The following CLEC2D variants were observed in gnomAD, a reference collection of about 807,000 sequenced individuals.
The protein encoded by CLEC2D is C-type lectin related f.
In CLEC2D, 16 loss-of-function variants were observed where a neutral mutation model predicts 20.0. That is an observed-to-expected ratio of 0.80 (90% CI 0.54 to 1.22). The LOEUF is 1.22. Among genes scored for constraint, CLEC2D ranks in the 50% most tolerant of loss-of-function variants. The probability of loss-of-function intolerance (pLI) is 0.00; values close to 1 mark genes in which losing one functional copy is unlikely to be tolerated. For synonymous variants in CLEC2D, 77 were observed against 71.1 expected, an observed-to-expected ratio of 1.08 and a Z score of -0.42; for missense variants, 207 against 221.5, an observed-to-expected ratio of 0.93 and a Z score of 0.42.
intron 1 of CLEC2D, among the ~76,000 whole-genome samples, chr12:9,675,518 AC>A (rs888876558): frequency 2.6e-5 from 4 of 152,216 alleles, no homozygotes; most frequent in Non-Finnish European, 5.9e-5. Context: ...TTTAACAAAT[AC>A]CACACTGTCT....
chr12:9,687,283 A>G (rs1865769932), intron 2 of CLEC2D, among the ~76,000 whole-genome samples: 1 of 152,226 alleles, frequency 6.6e-6, no homozygotes, highest in Non-Finnish European at 1.5e-5. Flanking sequence ...AGATTCTCAC[A>G]AGGAGCCCAC....
intron 1 of CLEC2D, among the ~76,000 whole-genome samples, chr12:9,671,738 C>T (rs1865429824): frequency 6.6e-6 from 1 of 152,186 alleles, no homozygotes; most frequent in South Asian, 2.1e-4. Flanking sequence ...TTTATGCTGA[C>T]AGAGGCTCAA....
rs1205626333 is a variant in CLEC2D, at chr12:9,694,740, T to C, written c.462-20T>C. ...GAAGAAATGTTCAGTGGCCAACTGATTCTGCTTCTTCTCTTGCAGGTTTCC... is the reference window on the plus strand; with the variant it reads ...GAAGAAATGTTCAGTGGCCAACTGACTCTGCTTCTTCTCTTGCAGGTTTCC... On this transcript the variant is annotated intron_variant, in intron 4 of 4. Coordinates refer to ENST00000290855, the MANE Select transcript of CLEC2D (RefSeq NM_013269.6). 7.3e-7 allele frequency: 1 copy of C among 1,367,472 alleles called. No individual in the cohort carries two copies. The highest frequency in any genetic ancestry group is 1.2e-5 in the South Asian group (1 of 86,032). 84.7% of individuals were successfully genotyped at this position (1,367,472 alleles called of 1,614,324 possible).
chr12:9,672,347 A>G (rs1410557847), intron 1 of CLEC2D, among the ~76,000 whole-genome samples: 1 of 152,238 alleles, frequency 6.6e-6, no homozygotes, highest in Non-Finnish European at 1.5e-5. Context: ...TTGGAGACAC[A>G]TTCAAACCAT....
At chr12:9,694,506 G>A (rs904019362) in intron 4 of CLEC2D, among the ~76,000 whole-genome samples, 1 of 152,158 alleles carries the variant, frequency 6.6e-6, no homozygotes, top group Non-Finnish European at 1.5e-5. Context: ...TAAGGCTTTG[G>A]ATGTACTTGA....
At chr12:9,677,447 T>C (rs1865542280) in intron 1 of CLEC2D, among the ~76,000 whole-genome samples, 1 of 152,178 alleles carries the variant, frequency 6.6e-6, no homozygotes, top group Admixed American at 6.5e-5. Flanking sequence ...CTTTCTGTTA[T>C]TGACTCTAGT....
intron 1 of CLEC2D, among the ~76,000 whole-genome samples, chr12:9,678,101 TGTTA>T (rs1175417760): frequency 1.3e-5 from 2 of 152,202 alleles, no homozygotes; most frequent in Non-Finnish European, 2.9e-5. Context: ...CTTGCAGTTC[TGTTA>T]ATTTTTGCCT....
chr12:9,685,770 G>T (rs1303379438), intron 2 of CLEC2D, among the ~76,000 whole-genome samples: 1 of 152,218 alleles, frequency 6.6e-6, no homozygotes, highest in East Asian at 1.9e-4. Context: ...TTTCCAGCCA[G>T]TGGGTCTTAG....
At chr12:9,673,013 G>A (rs950852632) in intron 1 of CLEC2D, among the ~76,000 whole-genome samples, 2 of 152,024 alleles carry the variant, frequency 1.3e-5, no homozygotes, top group Admixed American at 1.3e-4. Flanking sequence ...AGAACATAAT[G>A]CTTTAGCTCA....
intron 3 of CLEC2D, 103 bp downstream of exon 3, chr12:9,688,189 GAT>G: frequency 1.1e-5 from 9 of 825,512 alleles, no homozygotes; most frequent in South Asian, 4.5e-5. Context: ...CTTTTACATT[GAT>G]TTTTTTTTTT....
rs773844343 is a variant in CLEC2D, at chr12:9,698,897, G to C, written c.*4023G>C. The C allele has an allele frequency of 1.1e-4, 17 of 152,278 alleles. No homozygotes were observed. The highest frequency in any genetic ancestry group is 4.1e-4 in the African/African-American group (17 of 41,570). The allele number at this position is 152,278 out of a possible 1,614,324, so 9.4% of individuals were successfully genotyped here. A position where few individuals can be genotyped will look rare whatever the true frequency, so the allele number is the denominator to read the frequency against. ...AGAGCACAGGAGGAAGTTCTCTGAAGTTCCTTTATCTGCTTTAAGTTCAGA... is the reference window on the plus strand; with the variant it reads ...AGAGCACAGGAGGAAGTTCTCTGAACTTCCTTTATCTGCTTTAAGTTCAGA... On this transcript the variant is annotated 3_prime_UTR_variant, in exon 5 of 5. Coordinates refer to ENST00000290855, the MANE Select transcript of CLEC2D (RefSeq NM_013269.6).
At chr12:9,682,420 C>T (rs1043988713) in intron 2 of CLEC2D, among the ~76,000 whole-genome samples, 1 of 152,038 alleles carries the variant, frequency 6.6e-6, no homozygotes, top group African/African-American at 2.4e-5. Context: ...GCAGAACCCG[C>T]AGGTTCGTTA....
At chr12:9,686,609 A>C (rs970028879) in intron 2 of CLEC2D, among the ~76,000 whole-genome samples, 1 of 152,184 alleles carries the variant, frequency 6.6e-6, no homozygotes, top group Non-Finnish European at 1.5e-5. Context: ...GATTCTATGA[A>C]TACCCAGCAT....
chr12:9,671,055 A>G (rs1249747068), intron 1 of CLEC2D, among the ~76,000 whole-genome samples: 1 of 152,146 alleles, frequency 6.6e-6, no homozygotes, highest in Non-Finnish European at 1.5e-5. Context: ...TCCTCCAGCT[A>G]GAAATGCGGG....
intron 3 of CLEC2D, among the ~76,000 whole-genome samples, chr12:9,690,016 A>G (rs894971705): frequency 2.0e-5 from 3 of 152,120 alleles, no homozygotes; most frequent in Non-Finnish European, 4.4e-5. Context: ...AAGAGGCTCA[A>G]TGAACTCCAA....
At position 9,684,901 on chromosome 12, in the gene CLEC2D, G is replaced by A. The variant is rs148557567; in HGVS notation, c.173-3001G>A. On this transcript the variant is annotated intron_variant, in intron 2 of 4. Coordinates refer to ENST00000290855, the MANE Select transcript of CLEC2D (RefSeq NM_013269.6). ...GGATGATGCTGGTCTCATATAATGA[G>A]TTAGGGAGAATTCCTTCTTTTTCTA... Among the ~76,000 whole-genome samples the A allele has an allele frequency of 6.4e-3, 981 of 152,278 alleles. 13 individuals carry two copies. Among genetic ancestry groups the A allele is most frequent in the African/African-American group, 0.022 (929 of 41,542 alleles).
In CLEC2D at chr12:9,696,365, T is replaced by A; in HGVS notation, c.*1491T>A. The A allele has an allele frequency of 1.9e-6, 1 of 513,446 alleles. No homozygotes were observed. The highest frequency in any genetic ancestry group is 3.6e-6 in the Non-Finnish European group (1 of 281,666). 31.8% of individuals were successfully genotyped at this position (513,446 alleles called of 1,614,324 possible). On this transcript the variant is annotated 3_prime_UTR_variant, in exon 5 of 5. Transcript: ENST00000290855. ...TGTTTGATAAATGTTGTCCAGGTTC[T>A]ATTGCCAAGAATGTGTTGTCCAAAA... is the stretch of plus-strand genomic sequence containing the variant.
chr12:9,684,287 TG>T (rs1237491108), intron 2 of CLEC2D, among the ~76,000 whole-genome samples: 1 of 152,176 alleles, frequency 6.6e-6, no homozygotes, highest in Non-Finnish European at 1.5e-5. Flanking sequence ...GATGAGACAA[TG>T]GGGTTTTCTA....
chr12:9,688,125 C>G, intron 3 of CLEC2D, 39 bp downstream of exon 3: 1 of 1,501,972 alleles, frequency 6.7e-7, no homozygotes. Flanking sequence ...AGATTCAGCC[C>G]TACAAGGATA....
Sources: allele counts gnomAD v4.1 joint callset (sites outside exome capture counted in the v4.1 genomes callset), GRCh38; gene constraint gnomAD v4.1.1; transcripts MANE v1.5; gene names NCBI Gene and HGNC (gene_info 2026-07-23, HGNC 2026-07-21).